NLRP2: variants seen among roughly 807,000 people sequenced by gnomAD.
NLRP2 encodes NACHT, LRR and PYD domains-containing protein 2.
Under a neutral mutation model 97.2 loss-of-function variants are expected in NLRP2, and 107 were observed. That is an observed-to-expected ratio of 1.10 (90% confidence interval 0.94 to 1.29). NLRP2 has a LOEUF of 1.29. Among genes scored for constraint, NLRP2 ranks in the 50% most tolerant of loss-of-function variants. NLRP2 has a pLI of 0.00. For synonymous variants in NLRP2, 663 were observed against 551.5 expected (o/e 1.20, Z -2.83); for missense variants, 1,495 against 1,330.3 (o/e 1.12, Z -1.93).
chr19:54,986,388 G>T, intron 8 of NLRP2, 73 bp downstream of exon 8: 1 of 1,453,016 alleles, frequency 6.9e-7, no homozygotes, highest in African/African-American at 1.4e-5. Context: ...GCAATTTTGT[G>T]TAAATAAGAA....
intron 12 of NLRP2, among the ~76,000 whole-genome samples, chr19:54,998,652 TATTGA>T (rs2072996502): frequency 9.1e-6 from 1 of 110,268 alleles, no homozygotes; most frequent in Non-Finnish European, 1.9e-5. Flanking sequence ...TTTTTTTTTT[TATTGA>T]TCATTCTTGG....
chr19:54,998,963 C>G (rs12982762), intron 12 of NLRP2, among the ~76,000 whole-genome samples: 1 of 150,826 alleles, frequency 6.6e-6, no homozygotes, highest in South Asian at 2.1e-4. Flanking sequence ...GGTCACAGAT[C>G]AACAGGATCC....
upstream of NLRP2, chr19:54,966,297 C>T (rs1297960821): frequency 6.6e-6 from 1 of 151,388 alleles, no homozygotes; most frequent in Non-Finnish European, 1.5e-5. Flanking sequence ...CCCCCCAACA[C>T]CCCCCGCCCC....
intron 8 of NLRP2, among the ~76,000 whole-genome samples, chr19:54,987,204 T>C (rs1468459543): frequency 6.8e-6 from 1 of 147,720 alleles, no homozygotes; most frequent in Non-Finnish European, 1.5e-5. Flanking sequence ...CCCAGAATCT[T>C]TATCTTCTAT....
At chr19:54,973,842 G>A (rs934432745) in intron 2 of NLRP2, 2 of 626,012 alleles carry the variant, frequency 3.2e-6, no homozygotes, top group South Asian at 2.7e-5. Context: ...GAAACCCGCC[G>A]GACTTTCTGT....
At chr19:54,999,382 G>A (rs1386331509) in intron 12 of NLRP2, among the ~76,000 whole-genome samples, 2 of 152,200 alleles carry the variant, frequency 1.3e-5, no homozygotes, top group South Asian at 2.1e-4. Flanking sequence ...CCTGACTTCA[G>A]GTGACCCGCC....
chr19:54,968,016 T>A (rs1385135540), intron 1 of NLRP2, among the ~76,000 whole-genome samples: 1 of 150,370 alleles, frequency 6.7e-6, no homozygotes, highest in East Asian at 1.9e-4. Flanking sequence ...CCTCCCAGGT[T>A]CAAGCAATTC....
At chr19:54,996,493 A>G (rs1279216187) in intron 11 of NLRP2, among the ~76,000 whole-genome samples, 1 of 152,122 alleles carries the variant, frequency 6.6e-6, no homozygotes, top group Admixed American at 6.6e-5. Flanking sequence ...AGAGAGCAAG[A>G]CTGTCTCAAA....
At chr19:54,992,556 C>CTTTTTTTTTTTTTTTTTTTTTTTTTT in intron 10 of NLRP2, among the ~76,000 whole-genome samples, 1 of 82,542 alleles carries the variant, frequency 1.2e-5, no homozygotes, top group Admixed American at 1.8e-4. Flanking sequence ...GGGGGGTTTT[C>CTTTTTTTTTTTTTTTTTTTTTTTTTT]TTTTTTTTTT....
rs761530739 is a variant in NLRP2, at chr19:54,983,624, C to G, written c.1926C>G (p.Phe642Leu). ...CAGTAGACGTTGTGCCATCTTCATT[C>G]TGCGTCAAGCACTGTCGAAACCTGC... is the stretch of plus-strand genomic sequence containing the variant. ...LNAVDVVPSS[F>L]CVKHCRNLQK... is the part of the protein sequence containing the mutation. The change falls in exon 6 of 13, where the codon TTC becomes TTG. Residue 642 changes from phenylalanine to leucine, a missense_variant. Coordinates refer to ENST00000448584, the MANE Select transcript of NLRP2 (RefSeq NM_017852.5). The G allele has an allele frequency of 6.2e-7, 1 of 1,614,186 alleles. No individual in the cohort carries two copies. The highest frequency in any genetic ancestry group is 1.1e-5 in the South Asian group (1 of 91,082).
At chr19:54,975,558 TCTCCTGCCTCAG>T (rs2071175065) in intron 3 of NLRP2, among the ~76,000 whole-genome samples, 1 of 123,584 alleles carries the variant, frequency 8.1e-6, no homozygotes, top group East Asian at 3.3e-4. Flanking sequence ...TTCATGCCAT[TCTCCTGCCTCAG>T]CCTCCCGAGT....
At chr19:54,991,746 G>A (rs1194991739) in intron 10 of NLRP2, among the ~76,000 whole-genome samples, 2 of 150,778 alleles carry the variant, frequency 1.3e-5, no homozygotes, top group East Asian at 4.0e-4. Context: ...GTATGGTCCT[G>A]TAATCCCAGC....
chr19:54,995,895 C>T (rs1270939782), intron 11 of NLRP2, among the ~76,000 whole-genome samples: 4 of 151,852 alleles, frequency 2.6e-5, no homozygotes, highest in Admixed American at 6.6e-5. Context: ...TACAAAAATC[C>T]GCTGAGCATG....
intron 11 of NLRP2, among the ~76,000 whole-genome samples, chr19:54,995,038 G>A (rs1237458483): frequency 6.7e-6 from 1 of 150,070 alleles, no homozygotes; most frequent in African/African-American, 2.4e-5. Context: ...ATTGGGCCAG[G>A]CACAGTGGCT....
chr19:54,990,286 C>A, intron 9 of NLRP2, 94 bp downstream of exon 9: 1 of 1,335,938 alleles, frequency 7.5e-7, no homozygotes, highest in Non-Finnish European at 1.1e-6. Flanking sequence ...TGGAACCTCT[C>A]GCTGATGTGA....
intron 2 of NLRP2, 118 bp downstream of exon 2, chr19:54,970,413 G>A (rs754532975): frequency 1.2e-4 from 153 of 1,240,082 alleles, no homozygotes; most frequent in Non-Finnish European, 1.7e-4. Context: ...CCCTTTGGGA[G>A]GCTGAGGCGG....
In NLRP2 at chr19:54,981,700, C is replaced by T. The variant is rs762806838; in HGVS notation, c.463+18C>T. The T allele has an allele frequency of 4.9e-5, 65 of 1,331,122 alleles. No homozygotes were observed. Among genetic ancestry groups the T allele is most frequent in the Non-Finnish European group, 6.2e-5 (57 of 921,676 alleles). 82.5% of individuals were successfully genotyped at this position (1,331,122 alleles called of 1,614,324 possible). On this transcript the variant is annotated intron_variant, in intron 5 of 12. Transcript: ENST00000448584. ...AAAGCCAGGTCTGTACCATATCTTCCTGCAGGGAGCTTGGGATCAGATTTC... is the reference window on the plus strand; with the variant it reads ...AAAGCCAGGTCTGTACCATATCTTCTTGCAGGGAGCTTGGGATCAGATTTC...
rs1003942581 is a variant in NLRP2, at chr19:54,974,488, C to T, written c.281-12C>T. The T allele has an allele frequency of 1.2e-5, 20 of 1,609,928 alleles. No individual in the cohort carries two copies. In the Admixed American group the frequency reaches 2.7e-4, roughly 21 times the overall value. The stretch of plus-strand genomic sequence containing the variant: ...GTAAAATGCAAAATTTTCCCCCCTT[C>T]TCCTTTTTCAGAAGCAGCTTTGAAA... On this transcript the variant is annotated splice_polypyrimidine_tract_variant and intron_variant, in intron 2 of 12. Coordinates refer to ENST00000448584, the MANE Select transcript of NLRP2 (RefSeq NM_017852.5).
In NLRP2 at chr19:55,000,815, GA is replaced by G. The variant is rs745782532; in HGVS notation, c.3113del (p.Asn1038ThrfsTer4). ...CAATAAGCTGCTGGAAGAAATAGAAGAAAAAAACCCACAACTGATTATTGAT... is the reference window on the plus strand; with the variant it reads ...CAATAAGCTGCTGGAAGAAATAGAAGAAAAAACCCACAACTGATTATTGAT... ...ELNKLLEEIE[E>X]KNPQLIIDTE... On this transcript the variant is annotated frameshift_variant, in exon 13 of 13. Transcript: ENST00000448584. LOFTEE classifies it low-confidence loss of function (END_TRUNC). 5.6e-6 allele frequency: 9 copies of G among 1,613,556 alleles called. No homozygotes were observed. The highest frequency in any genetic ancestry group is 2.2e-5 in the East Asian group (1 of 44,876).
Sources: allele counts gnomAD v4.1 joint callset (sites outside exome capture counted in the v4.1 genomes callset), GRCh38; gene constraint gnomAD v4.1.1; transcripts MANE v1.5; gene names NCBI Gene and HGNC (gene_info 2026-07-23, HGNC 2026-07-21).